The following AGBL4 variants were observed in gnomAD, a reference collection of about 807,000 sequenced individuals.
AGBL4 encodes cytosolic carboxypeptidase 6.
In AGBL4, 58 loss-of-function variants were observed where a neutral mutation model predicts 66.4. The observed-to-expected ratio is 0.87, with a 90% CI of 0.71 to 1.09. The LOEUF is 1.09. Among genes scored for constraint, AGBL4 ranks in the 50% least tolerant of loss-of-function variants. The probability of loss-of-function intolerance (pLI) is 0.00; values close to 1 mark genes in which losing one functional copy is unlikely to be tolerated. For missense variants in AGBL4, 579 were observed against 631.0 expected (o/e 0.92, Z 0.88); for synonymous variants, 234 against 222.9 (o/e 1.05, Z -0.44).
intron 3 of AGBL4, among the ~76,000 whole-genome samples, chr1:49,488,532 T>C (rs187671943): frequency 6.6e-6 from 1 of 151,898 alleles, no homozygotes; most frequent in African/African-American, 2.4e-5. Context: ...ATTTATCCTT[T>C]CTTTGTTTTA....
At chr1:49,662,300 A>G (rs933596081) in intron 3 of AGBL4, among the ~76,000 whole-genome samples, 10 of 151,968 alleles carry the variant, frequency 6.6e-5, no homozygotes, top group Admixed American at 5.9e-4. Context: ...AAATATGTGT[A>G]GAAATGGAAA....
rs1649779120 is a variant in AGBL4 at position 49,735,296 on chromosome 1, G to GT, written c.158-37860_158-37859insA. Among the ~76,000 whole-genome samples, 239 of 127,390 alleles carry GT rather than the reference G, an allele frequency of 1.9e-3. 1 individual carries two copies. Among genetic ancestry groups the GT allele is most frequent in the African/African-American group, 6.6e-3 (204 of 30,850 alleles). The allele number at this position is 127,390 out of a possible 152,430, so 83.6% of individuals were successfully genotyped here. ...TAAAACAAAGAGGTAGAGGTGTGTGGGTGTGTGTGTGTGTGTGTGTGTGTG... is the reference window on the plus strand; with the variant it reads ...TAAAACAAAGAGGTAGAGGTGTGTGGTGTGTGTGTGTGTGTGTGTGTGTGTG... On this transcript the variant is annotated intron_variant, in intron 2 of 13. Transcript: ENST00000371839.
intron 3 of AGBL4, among the ~76,000 whole-genome samples, chr1:49,558,337 CTG>C (rs749122211): frequency 2.6e-5 from 4 of 151,994 alleles, no homozygotes; most frequent in Non-Finnish European, 4.4e-5. Flanking sequence ...ATCCCTGATT[CTG>C]TGTTTTGTTT....
intron 3 of AGBL4, among the ~76,000 whole-genome samples, chr1:49,267,688 A>G (rs189625191): frequency 4.6e-5 from 7 of 152,278 alleles, no homozygotes; most frequent in South Asian, 4.1e-4. Flanking sequence ...CCAAAAAAAA[A>G]AGACATACCC....
intron 3 of AGBL4, among the ~76,000 whole-genome samples, chr1:49,689,704 T>C (rs1646850839): frequency 6.6e-6 from 1 of 152,216 alleles, no homozygotes; most frequent in African/African-American, 2.4e-5. Flanking sequence ...TCCATGAACA[T>C]GGAATATCTT....
intron 6 of AGBL4, among the ~76,000 whole-genome samples, chr1:48,734,259 TG>T (rs1648650867): frequency 6.6e-6 from 1 of 152,010 alleles, no homozygotes; most frequent in East Asian, 1.9e-4. Context: ...AGTCGGCGGG[TG>T]TGTGTTTGAA....
chr1:48,661,748 C>T (rs1328472399), intron 7 of AGBL4, among the ~76,000 whole-genome samples: 16 of 152,126 alleles, frequency 1.1e-4, no homozygotes, highest in Admixed American at 1.0e-3. Flanking sequence ...GGTTTGGGCT[C>T]CCAGAGATGA....
Position 49,844,901 on chromosome 1 carries a change from T to A in AGBL4, c.157+6495A>T, listed in dbSNP as rs1229613165. Reference sequence around the variant, plus strand: ...GCCTTGATGCCTTTGAAGATGCCTGTTCAGGAGCAGTGACAGAGGAATGGG... The same window carrying A: ...GCCTTGATGCCTTTGAAGATGCCTGATCAGGAGCAGTGACAGAGGAATGGG... On this transcript the variant is annotated intron_variant, in intron 2 of 13. Coordinates refer to ENST00000371839, the MANE Select transcript of AGBL4 (RefSeq NM_032785.4). The A allele has an allele frequency of 3.6e-6, 5 of 1,388,694 alleles. No individual in the cohort carries two copies. In the East Asian group the frequency reaches 1.1e-4, roughly 32 times the overall value. The allele number at this position is 1,388,694 out of a possible 1,614,324, so 86.0% of individuals were successfully genotyped here. A position where few individuals can be genotyped will look rare whatever the true frequency, so the allele number is the denominator to read the frequency against.
chr1:49,313,450 G>A (rs1026915939), intron 3 of AGBL4, among the ~76,000 whole-genome samples: 1 of 152,038 alleles, frequency 6.6e-6, no homozygotes, highest in Non-Finnish European at 1.5e-5. Flanking sequence ...GAATCACCAT[G>A]CTGTCTTTCA....
intron 1 of AGBL4, among the ~76,000 whole-genome samples, chr1:49,903,604 T>A (rs1649984563): frequency 6.6e-6 from 1 of 152,154 alleles, no homozygotes; most frequent in South Asian, 2.1e-4. Context: ...GGGGTTAATA[T>A]TACCTATCCC....
intron 3 of AGBL4, among the ~76,000 whole-genome samples, chr1:49,414,990 C>T (rs1488147304): frequency 6.6e-6 from 1 of 152,026 alleles, no homozygotes; most frequent in Non-Finnish European, 1.5e-5. Context: ...AATCCAACCC[C>T]ATCATTTTTT....
intron 3 of AGBL4, among the ~76,000 whole-genome samples, chr1:49,330,004 G>A (rs902896953): frequency 1.4e-4 from 22 of 152,306 alleles, no homozygotes; most frequent in Admixed American, 6.5e-4. Context: ...AATGCTTGTT[G>A]AATGAATCTA....
rs528754079 is a variant in AGBL4, at chr1:49,925,590, G to A, written c.35-74072C>T. On this transcript the variant is annotated intron_variant, in intron 1 of 13. Transcript: ENST00000371839. The stretch of plus-strand genomic sequence containing the variant: ...GGTGGACTCGTGAGGTCTCTGATTC[G>A]GGCCATTGCTCTTGGACAGCATCTC... Among the ~76,000 whole-genome samples the A allele has an allele frequency of 4.6e-5, 7 of 152,096 alleles. No homozygotes were observed. The East Asian group carries it at 9.7e-4, about 21-fold the overall frequency.
At chr1:48,692,324 C>T (rs1269548245) in intron 6 of AGBL4, among the ~76,000 whole-genome samples, 1 of 152,170 alleles carries the variant, frequency 6.6e-6, no homozygotes, top group Non-Finnish European at 1.5e-5. Context: ...CTGACAGCTT[C>T]CAGAACCAGT....
chr1:49,177,674 A>G (rs1486581814), intron 4 of AGBL4, among the ~76,000 whole-genome samples: 2 of 152,090 alleles, frequency 1.3e-5, no homozygotes, highest in Non-Finnish European at 2.9e-5. Flanking sequence ...GCACAGGACT[A>G]TTAAGATTAT....
At chr1:49,635,403 A>G (rs1645652185) in intron 3 of AGBL4, among the ~76,000 whole-genome samples, 1 of 152,206 alleles carries the variant, frequency 6.6e-6, no homozygotes. Context: ...TAATTGTAAT[A>G]TATTAGAATT....
At chr1:49,968,101 T>A (rs1323229155) in intron 1 of AGBL4, among the ~76,000 whole-genome samples, 1 of 151,744 alleles carries the variant, frequency 6.6e-6, no homozygotes, top group African/African-American at 2.4e-5. Context: ...CAGGCACCTG[T>A]AATCTCAGCT....
At chr1:49,372,380 C>A (rs886519082) in intron 3 of AGBL4, among the ~76,000 whole-genome samples, 1 of 152,130 alleles carries the variant, frequency 6.6e-6, no homozygotes, top group Non-Finnish European at 1.5e-5. Context: ...GTATAATACA[C>A]AAGCTCCTTA....
rs17104571 is a variant in AGBL4, at chr1:48,602,312, T to G, written c.952-11327A>C. Among the ~76,000 whole-genome samples, 573 of 152,310 alleles carry G rather than the reference T, an allele frequency of 3.8e-3. 22 individuals are homozygous for G. The South Asian group carries it at 0.08, about 21-fold the overall frequency. Reference sequence around the variant, plus strand: ...CTCTCTGGACTTCAATTTCCCCACTTAGAGGACGGATTCAGTGACTTCTCA... The same window carrying G: ...CTCTCTGGACTTCAATTTCCCCACTGAGAGGACGGATTCAGTGACTTCTCA... On this transcript the variant is annotated intron_variant, in intron 9 of 13. Coordinates refer to ENST00000371839, the MANE Select transcript of AGBL4 (RefSeq NM_032785.4).
Sources: gnomAD v4.1 joint callset for allele counts (sites outside exome capture counted in the v4.1 genomes callset) on GRCh38, gnomAD v4.1.1 for gene constraint, MANE v1.5 for transcripts, NCBI Gene and HGNC (gene_info 2026-07-23, HGNC 2026-07-21) for gene names.